Variants in EYS observed in about 807,000 individuals in gnomAD.
EYS encodes the protein protein eyes shut homolog.
A neutral mutation model predicts 282.1 loss-of-function variants in EYS; 250 were observed. The ratio of observed to expected loss-of-function variants is 0.89; its 90% confidence interval spans 0.80 to 0.98. EYS has a LOEUF of 0.98. Ranked by LOEUF, EYS falls within the 50% of genes least tolerant of loss-of-function variation. EYS has a pLI of 0.00. For missense variants in EYS, 4,016 were observed against 3,709.0 expected (o/e 1.08, Z -2.15); for synonymous variants, 1,355 against 1,282.9 (o/e 1.06, Z -1.20).
At chr6:65,267,767 A>C (rs554280880) in intron 12 of EYS, among the ~76,000 whole-genome samples, 2 of 151,978 alleles carry the variant, frequency 1.3e-5, no homozygotes, top group African/African-American at 4.8e-5. Context: ...TTTAAAATTC[A>C]AACAAACAAA....
chr6:65,548,222 TAAAG>T (rs3049781), intron 2 of EYS, among the ~76,000 whole-genome samples: 113,042 of 151,916 alleles, frequency 0.74, 42,816 homozygotes, highest in African/African-American at 0.88. Flanking sequence ...AATTTATTGA[TAAAG>T]AAAGATACTT....
chr6:63,897,148 T>A (rs942306601), intron 35 of EYS, among the ~76,000 whole-genome samples: 3 of 152,240 alleles, frequency 2.0e-5, no homozygotes, highest in African/African-American at 7.2e-5. Flanking sequence ...TTAGTGTATA[T>A]CCTTCCAATT....
chr6:64,938,917 A>ATATC (rs1554219878), intron 15 of EYS, among the ~76,000 whole-genome samples: 3 of 151,742 alleles, frequency 2.0e-5, no homozygotes, highest in Non-Finnish European at 1.5e-5. Flanking sequence ...GTCTTGGAAC[A>ATATC]TATCTCCCTT....
intron 35 of EYS, among the ~76,000 whole-genome samples, chr6:63,914,215 T>G (rs1289457135): frequency 6.6e-6 from 1 of 152,196 alleles, no homozygotes; most frequent in East Asian, 1.9e-4. Context: ...TCTAAGTGTT[T>G]AAGTAAAAGA....
chr6:64,531,791 G>A (rs1362150378), intron 26 of EYS, among the ~76,000 whole-genome samples: 1 of 151,888 alleles, frequency 6.6e-6, no homozygotes, highest in Admixed American at 6.6e-5. Flanking sequence ...TATTCATGCA[G>A]GGACTGTGGT....
intron 14 of EYS, among the ~76,000 whole-genome samples, chr6:64,948,647 ATAGTAT>A (rs1415638705): frequency 6.7e-6 from 1 of 148,758 alleles, no homozygotes; most frequent in Non-Finnish European, 1.5e-5. Flanking sequence ...ATAGTATTAA[ATAGTAT>A]TAAAGTAAAA....
chr6:65,566,390 C>T (rs544317641), intron 2 of EYS, among the ~76,000 whole-genome samples: 66 of 149,666 alleles, frequency 4.4e-4, no homozygotes, highest in Admixed American at 9.3e-4. Flanking sequence ...GACAAGACCT[C>T]GAAAAAAAAA....
chr6:65,441,200 A>C (rs1046262568), intron 5 of EYS, among the ~76,000 whole-genome samples: 2 of 151,644 alleles, frequency 1.3e-5, no homozygotes, highest in African/African-American at 4.8e-5. Context: ...TAATATCAAC[A>C]TAGCATAATA....
At chr6:64,932,304 T>C (rs1390099143) in intron 15 of EYS, among the ~76,000 whole-genome samples, 2 of 152,040 alleles carry the variant, frequency 1.3e-5, no homozygotes, top group African/African-American at 2.4e-5. Context: ...CACTATTTCA[T>C]TGGTTTGACA....
chr6:65,228,155 A>G (rs1766677491), intron 12 of EYS, among the ~76,000 whole-genome samples: 1 of 152,096 alleles, frequency 6.6e-6, no homozygotes, highest in East Asian at 1.9e-4. Flanking sequence ...ATGTGGAAAC[A>G]AGGATATCCA....
intron 14 of EYS, among the ~76,000 whole-genome samples, chr6:64,955,029 A>T (rs1211217857): frequency 1.3e-5 from 2 of 151,782 alleles, no homozygotes; most frequent in Admixed American, 6.6e-5. Context: ...CAAAACAAAA[A>T]ATTAGCCGGG....
At chr6:64,961,278 C>T (rs1007681109) in intron 14 of EYS, among the ~76,000 whole-genome samples, 9 of 151,980 alleles carry the variant, frequency 5.9e-5, no homozygotes, top group African/African-American at 1.9e-4. Flanking sequence ...TGGAATGTAG[C>T]CCTTTAAAGA....
intron 31 of EYS, among the ~76,000 whole-genome samples, chr6:64,188,302 A>C (rs1041226151): frequency 6.6e-6 from 1 of 152,068 alleles, no homozygotes; most frequent in Non-Finnish European, 1.5e-5. Context: ...CAGATTTATG[A>C]ACTTAAAAAA....
chr6:65,610,104 T>G (rs35472556), intron 2 of EYS, among the ~76,000 whole-genome samples: 25,665 of 151,904 alleles, frequency 0.17, 2,406 homozygotes, highest in African/African-American at 0.25. Flanking sequence ...GACAGTATCT[T>G]ACTAAGTTGT....
chr6:64,155,294 G>A (rs576625816), intron 31 of EYS, among the ~76,000 whole-genome samples: 1 of 152,174 alleles, frequency 6.6e-6, no homozygotes, highest in Non-Finnish European at 1.5e-5. Context: ...CATCTAAAAG[G>A]GTGTGATCAT....
At chr6:64,281,994 G>A (rs998947124) in intron 30 of EYS, among the ~76,000 whole-genome samples, 23 of 152,148 alleles carry the variant, frequency 1.5e-4, no homozygotes, top group African/African-American at 5.3e-4. Context: ...AAAGGGCAGA[G>A]TGGTGAGAGA....
At chr6:65,289,178 A>G (rs895631459) in intron 12 of EYS, among the ~76,000 whole-genome samples, 1 of 151,030 alleles carries the variant, frequency 6.6e-6, no homozygotes, top group African/African-American at 2.4e-5. Context: ...TGTTTATTTT[A>G]TACAAATATG....
At chr6:64,374,426 G>T (rs985963777) in intron 29 of EYS, among the ~76,000 whole-genome samples, 1 of 151,470 alleles carries the variant, frequency 6.6e-6, no homozygotes, top group Admixed American at 6.6e-5. Context: ...TGGGGTGGGT[G>T]CAGGGGAGCT....
intron 12 of EYS, among the ~76,000 whole-genome samples, chr6:65,092,393 C>T (rs1206047550): frequency 6.6e-6 from 1 of 152,136 alleles, no homozygotes; most frequent in Admixed American, 6.6e-5. Flanking sequence ...GTAATAACTA[C>T]TCATATATTT....
Sources: allele counts gnomAD v4.1 joint callset (sites outside exome capture counted in the v4.1 genomes callset), GRCh38; gene constraint gnomAD v4.1.1; transcripts MANE v1.5; gene names NCBI Gene and HGNC (gene_info 2026-07-23, HGNC 2026-07-21).